Variants in SH3PXD2A observed in about 807,000 individuals in gnomAD.
SH3PXD2A encodes SH3 and PX domain-containing protein 2A.
A neutral mutation model predicts 115.2 loss-of-function variants in SH3PXD2A; 32 were observed. That is an observed-to-expected ratio of 0.28 (90% CI 0.21 to 0.37). SH3PXD2A has a LOEUF of 0.37. SH3PXD2A is among the 10% of genes least tolerant of loss of function. The probability of loss-of-function intolerance (pLI) is 1.00; values close to 1 mark genes in which losing one functional copy is unlikely to be tolerated. For synonymous variants in SH3PXD2A, 610 were observed against 629.1 expected (o/e 0.97, Z 0.45); for missense variants, 1,328 against 1,498.7 (o/e 0.89, Z 1.88).
At chr10:103,623,825 T>C (rs769465774) in intron 9 of SH3PXD2A, among the ~76,000 whole-genome samples, 6 of 152,214 alleles carry the variant, frequency 3.9e-5, no homozygotes, top group Non-Finnish European at 7.3e-5. Context: ...GTGCAAGGCC[T>C]CCTGGTGGGG....
chr10:103,605,323 T>A (rs1022656584), intron 14 of SH3PXD2A, among the ~76,000 whole-genome samples: 1 of 152,166 alleles, frequency 6.6e-6, no homozygotes, highest in Non-Finnish European at 1.5e-5. Context: ...TTCTGCAGGA[T>A]CCTGGCCCTG....
At chr10:103,738,509 C>T (rs918236076) in intron 3 of SH3PXD2A, among the ~76,000 whole-genome samples, 2 of 152,120 alleles carry the variant, frequency 1.3e-5, no homozygotes, top group African/African-American at 2.4e-5. Context: ...GACCCAGTGA[C>T]ACCAGCGGTC....
chr10:103,670,546 C>G (rs1289898579), intron 6 of SH3PXD2A, among the ~76,000 whole-genome samples: 3 of 152,148 alleles, frequency 2.0e-5, no homozygotes, highest in Non-Finnish European at 2.9e-5. Flanking sequence ...CCTGCAAGGA[C>G]AAGAACTAGA....
chr10:103,678,820 C>T (rs1008359239), intron 6 of SH3PXD2A, among the ~76,000 whole-genome samples: 10 of 152,212 alleles, frequency 6.6e-5, no homozygotes, highest in Non-Finnish European at 8.8e-5. Flanking sequence ...TCCCAGGAAA[C>T]GGCTGGGCTC....
intron 3 of SH3PXD2A, chr10:103,736,862 GT>G (rs959677630): frequency 2.0e-6 from 2 of 1,017,270 alleles, no homozygotes; most frequent in Non-Finnish European, 2.7e-6. Context: ...AGTCCTTGTG[GT>G]GTCAGTCAGT....
intron 8 of SH3PXD2A, among the ~76,000 whole-genome samples, chr10:103,650,073 G>C (rs896700394): frequency 9.5e-4 from 144 of 152,342 alleles, no homozygotes; most frequent in African/African-American, 3.0e-3. Context: ...TAGAAAAACA[G>C]GCTCTTTAAA....
chr10:103,818,124 A>G (rs1218989301), intron 1 of SH3PXD2A, among the ~76,000 whole-genome samples: 4 of 152,212 alleles, frequency 2.6e-5, no homozygotes, highest in African/African-American at 9.6e-5. Flanking sequence ...GAGACAATGT[A>G]CCTCTTGGTT....
chr10:103,767,069 C>A, intron 3 of SH3PXD2A, 25 bp downstream of exon 3: 1 of 1,577,638 alleles, frequency 6.3e-7, no homozygotes, highest in South Asian at 1.1e-5. Flanking sequence ...TCCCCCATCC[C>A]TGGGTGGAGC....
chr10:103,817,996 G>A (rs1018669738), intron 1 of SH3PXD2A, among the ~76,000 whole-genome samples: 1 of 152,190 alleles, frequency 6.6e-6, no homozygotes, highest in African/African-American at 2.4e-5. Context: ...AATGACTGTG[G>A]TTGAGAGTTG....
intron 13 of SH3PXD2A, among the ~76,000 whole-genome samples, chr10:103,607,488 GC>G (rs2036337968): frequency 2.0e-5 from 3 of 151,652 alleles, no homozygotes; most frequent in Admixed American, 1.3e-4. Flanking sequence ...GAGGTGAGGA[GC>G]CCCTCTGCCC....
In SH3PXD2A at chr10:103,784,409, A is replaced by C. The variant is rs772154891; in HGVS notation, c.153+16873T>G. 2.6e-5 allele frequency among the ~76,000 whole-genome samples: 4 copies of C among 152,202 alleles called. No individual in the cohort carries two copies. The highest frequency in any genetic ancestry group is 6.5e-5 in the Admixed American group (1 of 15,276). On this transcript the variant is annotated intron_variant, in intron 2 of 14. Transcript: ENST00000369774. This position sits in a 1 kb window ranked among gnomAD's most constrained non-coding sequence, Gnocchi z 4.4. Reference sequence around the variant, plus strand: ...AGTTCCACTCCTACACGCAGACCCAAGGCAGGAGGAAGGGAATGTAGCATT... The same window carrying C: ...AGTTCCACTCCTACACGCAGACCCACGGCAGGAGGAAGGGAATGTAGCATT...
chr10:103,632,163 C>T (rs770510211), intron 8 of SH3PXD2A, among the ~76,000 whole-genome samples: 2 of 151,686 alleles, frequency 1.3e-5, no homozygotes, highest in Non-Finnish European at 2.9e-5. Context: ...CGAGACCCCA[C>T]CTAAAAAAAA....
chr10:103,735,977 GAGGCGCCCTAGGCT>G (rs2038376159), intron 3 of SH3PXD2A, among the ~76,000 whole-genome samples, 169 bp from the exon 4 acceptor site: 1 of 152,166 alleles, frequency 6.6e-6, no homozygotes, highest in Non-Finnish European at 1.5e-5. Context: ...TGGAGGGCAG[GAGGCGCCCTAGGCT>G]GAGAGCCCAG....
chr10:103,776,436 CTGTGTGTG>C lies in SH3PXD2A; in HGVS notation c.154-9275_154-9268del, dbSNP rs34034863. On this transcript the variant is annotated intron_variant, in intron 2 of 14. Transcript: ENST00000369774. ...AAAGTGTGTGCATGCGTGTGTGTGT[CTGTGTGTG>C]TGTGTGTGTGTGTGTGTGTGTGTGT... 2.2e-4 allele frequency among the ~76,000 whole-genome samples: 27 copies of C among 125,122 alleles called. 1 individual carries two copies. Among genetic ancestry groups the C allele is most frequent in the East Asian group, 1.1e-3 (5 of 4,644 alleles). The allele number at this position is 125,122 out of a possible 152,430, so 82.1% of individuals were successfully genotyped here.
intron 1 of SH3PXD2A, among the ~76,000 whole-genome samples, chr10:103,807,990 C>T (rs190349563): frequency 6.6e-6 from 1 of 152,290 alleles, no homozygotes; most frequent in East Asian, 1.9e-4. Context: ...TACTAATAGG[C>T]TCTAACCTTC....
At chr10:103,617,467 C>G (rs1772081352) in intron 10 of SH3PXD2A, among the ~76,000 whole-genome samples, 153 bp from the exon 11 acceptor site, 1 of 152,208 alleles carries the variant, frequency 6.6e-6, no homozygotes, top group African/African-American at 2.4e-5. Context: ...AGGGAAGGAC[C>G]AGGCCCCAGA....
At chr10:103,748,251 C>A (rs1023290555) in intron 3 of SH3PXD2A, among the ~76,000 whole-genome samples, 1 of 152,166 alleles carries the variant, frequency 6.6e-6, no homozygotes, top group African/African-American at 2.4e-5. Flanking sequence ...AGTTGAGTGC[C>A]CCGCCCAGGG....
chr10:103,832,291 G>T (rs978778433), intron 1 of SH3PXD2A, among the ~76,000 whole-genome samples: 1 of 151,064 alleles, frequency 6.6e-6, no homozygotes, highest in African/African-American at 2.4e-5. Flanking sequence ...ATCATTGCAC[G>T]TGTCTTCTCA....
At chr10:103,725,682 C>T (rs1193321857) in intron 4 of SH3PXD2A, among the ~76,000 whole-genome samples, 1 of 151,886 alleles carries the variant, frequency 6.6e-6, no homozygotes, top group Non-Finnish European at 1.5e-5. Flanking sequence ...CAAAAATTAG[C>T]CAGTGTGGTG....
Sources: gnomAD v4.1 joint callset for allele counts (sites outside exome capture counted in the v4.1 genomes callset) on GRCh38, gnomAD v4.1.1 for gene constraint, Gnocchi (gnomAD v3.1) non-coding constraint, MANE v1.5 for transcripts, NCBI Gene and HGNC (gene_info 2026-07-23, HGNC 2026-07-21) for gene names.